Variants in NRXN3 observed in about 807,000 individuals in gnomAD.
NRXN3 encodes the protein neurexin 3, also known as neurexin III.
NRXN3 carries 32 observed loss-of-function variants against 137.6 expected under a neutral mutation model. The ratio of observed to expected loss-of-function variants is 0.23; its 90% CI spans 0.18 to 0.31. NRXN3 has a LOEUF of 0.31. Among genes scored for constraint, NRXN3 ranks in the 10% least tolerant of loss-of-function variants. NRXN3 has a pLI of 1.00. For missense variants in NRXN3, 1,574 were observed against 2,062.5 expected (o/e 0.76, Z 4.59); for synonymous variants, 798 against 784.5 (o/e 1.02, Z -0.29).
intron 4 of NRXN3, among the ~76,000 whole-genome samples, chr14:78,633,251 C>CAAAAAA (rs779442429): frequency 4.4e-5 from 3 of 68,076 alleles, no homozygotes; most frequent in Non-Finnish European, 8.0e-5. Flanking sequence ...GAGACTCTGT[C>CAAAAAA]AAAAAAAAAA....
intron 10 of NRXN3, among the ~76,000 whole-genome samples, chr14:78,896,195 T>C (rs2099174040): frequency 6.6e-6 from 1 of 151,922 alleles, no homozygotes. Flanking sequence ...GATAGGTTTC[T>C]CTCCTATTCT....
intron 16 of NRXN3, among the ~76,000 whole-genome samples, chr14:79,560,011 CA>C (rs1435962100): frequency 6.6e-6 from 1 of 151,198 alleles, no homozygotes; most frequent in Non-Finnish European, 1.5e-5. Context: ...AAAAAGAATT[CA>C]AAATATAAAA....
At chr14:79,370,314 T>G (rs373722805) in intron 15 of NRXN3, among the ~76,000 whole-genome samples, 1,994 of 111,504 alleles carry the variant, frequency 0.018, 29 homozygotes, top group African/African-American at 0.044. Context: ...TTTTTTTGGG[T>G]TTTTTTTTGT....
chr14:79,086,146 T>G (rs2048051937), intron 15 of NRXN3, among the ~76,000 whole-genome samples: 1 of 152,170 alleles, frequency 6.6e-6, no homozygotes, highest in African/African-American at 2.4e-5. Flanking sequence ...TCCGGTAGGA[T>G]GACATGAGAT....
intron 1 of NRXN3, among the ~76,000 whole-genome samples, chr14:78,187,782 T>TTG (rs2153367589): frequency 7.9e-5 from 1 of 12,650 alleles, no homozygotes; most frequent in East Asian, 3.5e-3. Flanking sequence ...ATTTTAGTTG[T>TTG]TTTTTTTTTT....
chr14:78,791,688 C>T lies in NRXN3; in HGVS notation c.2045-11932C>T, dbSNP rs111232226. ...AAAGTCACCAGGAGCACATGGATTC[C>T]CCTCCATTGCCTTGGGATGTTCTCT... On this transcript the variant is annotated intron_variant, in intron 8 of 20. Transcript: ENST00000335750. Among the ~76,000 whole-genome samples, 389 of 152,140 alleles carry T rather than the reference C, an allele frequency of 2.6e-3. 1 individual carries two copies. The highest frequency in any genetic ancestry group is 8.9e-3 in the African/African-American group (369 of 41,528).
intron 15 of NRXN3, among the ~76,000 whole-genome samples, chr14:79,115,865 C>T (rs1209377909): frequency 2.0e-5 from 3 of 152,110 alleles, no homozygotes; most frequent in Non-Finnish European, 1.5e-5. Flanking sequence ...CTAATAATAT[C>T]CACCATTTTC....
chr14:79,439,546 G>T (rs1299631339), intron 15 of NRXN3, among the ~76,000 whole-genome samples: 2 of 152,068 alleles, frequency 1.3e-5, no homozygotes, highest in Non-Finnish European at 2.9e-5. Flanking sequence ...AAACCAAAAG[G>T]TATGTTTTGC....
chr14:79,399,497 G>A (rs563861764), intron 15 of NRXN3, among the ~76,000 whole-genome samples: 1 of 152,262 alleles, frequency 6.6e-6, no homozygotes, highest in South Asian at 2.1e-4. Context: ...CAGATATTGA[G>A]AATATTGGAG....
At chr14:78,667,617 A>G (rs1232457622) in intron 6 of NRXN3, among the ~76,000 whole-genome samples, 1 of 152,180 alleles carries the variant, frequency 6.6e-6, no homozygotes, top group Non-Finnish European at 1.5e-5. Flanking sequence ...TTTGACCACA[A>G]TTGAAATGTG....
At chr14:78,745,662 A>G (rs2098603769) in intron 8 of NRXN3, among the ~76,000 whole-genome samples, 1 of 152,096 alleles carries the variant, frequency 6.6e-6, no homozygotes, top group South Asian at 2.1e-4. Flanking sequence ...TATTTGTTTT[A>G]TTCTATATGC....
At chr14:79,417,902 G>T (rs1399747003) in intron 15 of NRXN3, among the ~76,000 whole-genome samples, 1 of 151,714 alleles carries the variant, frequency 6.6e-6, no homozygotes, top group Non-Finnish European at 1.5e-5. Flanking sequence ...TTCTGTATGA[G>T]TGGAGACTTT....
At chr14:79,220,955 C>T (rs2069511125) in intron 15 of NRXN3, among the ~76,000 whole-genome samples, 1 of 151,804 alleles carries the variant, frequency 6.6e-6, no homozygotes, top group African/African-American at 2.4e-5. Flanking sequence ...TCCCTGTGTC[C>T]ATGTGTTTTC....
At chr14:79,680,706 C>T (rs1160313348) in intron 17 of NRXN3, among the ~76,000 whole-genome samples, 1 of 152,136 alleles carries the variant, frequency 6.6e-6, no homozygotes, top group Non-Finnish European at 1.5e-5. Flanking sequence ...GGTAATCCTT[C>T]AGTGCTCTCT....
intron 16 of NRXN3, among the ~76,000 whole-genome samples, chr14:79,624,810 T>TTTTTTTTTTTTTTG (rs2098266019): frequency 6.8e-6 from 1 of 147,774 alleles, no homozygotes; most frequent in African/African-American, 2.6e-5. Flanking sequence ...TTTGTTTGTT[T>TTTTTTTTTTTTTTG]TTGTTTTTTT....
chr14:79,629,175 G>T (rs1365337798), intron 16 of NRXN3, among the ~76,000 whole-genome samples: 2 of 151,560 alleles, frequency 1.3e-5, no homozygotes, highest in South Asian at 2.1e-4. Flanking sequence ...TTGTATCAAA[G>T]ACATTATTTA....
rs1455014191 is a variant in NRXN3 at position 78,243,740 on chromosome 14, T to G, written c.647T>G (p.Leu216Arg). The stretch of plus-strand genomic sequence containing the variant: ...GAAAATGGTGGGATCTGCTTTCTCC[T>G]GGACGGCCACCCCACCTGTGACTGT... ...PCENGGICFL[L>R]DGHPTCDCST... The change falls in exon 2 of 21, where the codon CTG becomes CGG. Residue 216 changes from leucine (L) to arginine (R), a missense_variant. Around this residue, in one of 5 missense-constraint regions of NRXN3, gnomAD observed 400 missense variants for 527.3 expected, o/e 0.76. Transcript: ENST00000335750. This position sits in a 1 kb window ranked among gnomAD's most constrained non-coding sequence, Gnocchi z 4.2. 1 of 1,598,020 alleles carries G rather than the reference T, an allele frequency of 6.3e-7. No homozygotes were observed. Among genetic ancestry groups the G allele is most frequent in the East Asian group, 2.2e-5 (1 of 44,866 alleles).
chr14:78,355,790 C>T lies in NRXN3; in HGVS notation c.757+57930C>T, dbSNP rs555678534. On this transcript the variant is annotated intron_variant, in intron 4 of 20. Transcript: ENST00000335750. Reference sequence around the variant, plus strand: ...CCTTTTCTCCTTTTCTGAGATTTTACGGATACGTCATTTATCAATCTTTAA... The same window carrying T: ...CCTTTTCTCCTTTTCTGAGATTTTATGGATACGTCATTTATCAATCTTTAA... Among the ~76,000 whole-genome samples, 5 of 152,266 alleles carry T rather than the reference C, an allele frequency of 3.3e-5. No individual in the cohort carries two copies. The South Asian group carries it at 6.2e-4, about 19-fold the overall frequency.
intron 4 of NRXN3, among the ~76,000 whole-genome samples, chr14:78,604,961 G>A (rs1037694029): frequency 6.6e-6 from 1 of 152,110 alleles, no homozygotes; most frequent in Non-Finnish European, 1.5e-5. Flanking sequence ...CAGTCTCAAA[G>A]GATATTCAAG....
Sources: gnomAD v4.1 joint callset for allele counts (sites outside exome capture counted in the v4.1 genomes callset) on GRCh38, gnomAD v4.1.1 for gene constraint, gnomAD v4.1.1 regional missense constraint, Gnocchi (gnomAD v3.1) non-coding constraint, MANE v1.5 for transcripts, NCBI Gene and HGNC (gene_info 2026-07-23, HGNC 2026-07-21) for gene names.